The following MCM4 variants were observed in gnomAD, a reference collection of about 807,000 sequenced individuals.
The protein encoded by MCM4 is minichromosome maintenance complex component 4.
Under a neutral mutation model 88.7 loss-of-function variants are expected in MCM4, and 60 were observed. That is an observed-to-expected ratio of 0.68 (90% CI 0.55 to 0.84). MCM4 has a LOEUF of 0.84. MCM4 is among the 40% of genes least tolerant of loss of function. MCM4 has a pLI of 0.00. For missense variants in MCM4, 1,149 were observed against 1,105.5 expected, an observed-to-expected ratio of 1.04 and a Z score of -0.56; for synonymous variants, 465 against 410.5, an observed-to-expected ratio of 1.13 and a Z score of -1.61.
intron 14 of MCM4, chr8:47,974,496 C>A: frequency 2.1e-6 from 1 of 476,964 alleles, no homozygotes. Context: ...AGAATTCTTC[C>A]CAAGCATCTC....
chr8:47,969,740 G>T lies in MCM4; in HGVS notation c.1175-58G>T. 1.9e-6 allele frequency: 3 copies of T among 1,594,398 alleles called. No homozygotes were observed. In the South Asian group the frequency reaches 3.3e-5, roughly 18 times the overall value. On this transcript the variant is annotated intron_variant, in intron 10 of 16. Coordinates refer to ENST00000649973, the MANE Select transcript of MCM4 (RefSeq NM_182746.3). ...GCACCTGTTGCCTACGCTGGTTGCT[G>T]AGCCACTCGGAGGAAGATATGGGAA...
chr8:47,961,677 T>G lies in MCM4; in HGVS notation c.232T>G (p.Ser78Ala). The G allele has an allele frequency of 6.2e-7, 1 of 1,604,650 alleles. No individual in the cohort carries two copies. Among genetic ancestry groups the G allele is most frequent in the Non-Finnish European group, 8.5e-7 (1 of 1,173,960 alleles). ...TTCCAGCCCTCCCCAAATGCATTCT[T>G]CAGGTGCGTGTCTGAAGATCTTGGT... ...LFSSPPQMHS[S>A]AIPLDFDVSS... Residue 78 changes from serine (S) to alanine (A), a missense_variant, in exon 3 of 17, where the codon TCA becomes GCA. Physicochemically the swap from Ser to Ala is moderately conservative, Grantham distance 99 (BLOSUM62 1). Around this residue, in one of 3 missense-constraint regions of MCM4, gnomAD observed 906 missense variants for 843.0 expected, o/e 1.07. Coordinates refer to ENST00000649973, the MANE Select transcript of MCM4 (RefSeq NM_182746.3).
chr8:47,970,470 G>A (rs1215648282), intron 11 of MCM4, 41 bp from the exon 12 acceptor site: 4 of 1,554,756 alleles, frequency 2.6e-6, no homozygotes, highest in Non-Finnish European at 3.5e-6. Context: ...TCAGTTAACT[G>A]TGCAGAAAAT....
rs1192152598 is a variant in MCM4, at chr8:47,971,418, TA to T, written c.1885del (p.Thr629GlnfsTer18). On this transcript the variant is annotated frameshift_variant, in exon 13 of 17. Coordinates refer to ENST00000649973, the MANE Select transcript of MCM4 (RefSeq NM_182746.3). LOFTEE classifies it high-confidence loss of function. Reference protein sequence around the residue: ...ANPIESQWNPKKTTIENIQLP... With the variant: ...ANPIESQWNPXKTTIENIQLP... ...ATCCCATTGAGTCTCAGTGGAATCC[TA>T]AAAAAACAACCATTGAAAACATCCA... is the stretch of plus-strand genomic sequence containing the variant. The T allele has an allele frequency of 6.2e-7, 1 of 1,614,080 alleles. No individual in the cohort carries two copies. The highest frequency in any genetic ancestry group is 8.5e-7 in the Non-Finnish European group (1 of 1,179,970).
chr8:47,970,917 A>G (rs370130701), intron 12 of MCM4, 41 bp downstream of exon 12: 1 of 1,542,940 alleles, frequency 6.5e-7, no homozygotes. Context: ...CGTGTTTAAA[A>G]TATGTGGACC....
chr8:47,962,519 C>T (rs937130046), intron 5 of MCM4, 113 bp downstream of exon 5: 4 of 1,087,146 alleles, frequency 3.7e-6, no homozygotes, highest in Admixed American at 2.2e-5. Flanking sequence ...TGTGGTGGCT[C>T]ACACCTATAA....
chr8:47,969,987 A>G lies in MCM4; in HGVS notation c.1364A>G (p.Lys455Arg). Residue 455 changes from lysine to arginine, a missense_variant, in exon 11 of 17, where the codon AAA becomes AGA. Physicochemically the swap from Lys to Arg is conservative, Grantham distance 26. Coordinates refer to ENST00000649973, the MANE Select transcript of MCM4 (RefSeq NM_182746.3). ...GAATTGCTTAAGGAACTTTCCAGGAAACCAGACATTTATGAGAGGCTTGCT... is the reference window on the plus strand; with the variant it reads ...GAATTGCTTAAGGAACTTTCCAGGAGACCAGACATTTATGAGAGGCTTGCT... ...RVELLKELSR[K>R]PDIYERLASA... is the part of the protein sequence containing the mutation. 1.9e-6 allele frequency: 3 copies of G among 1,614,244 alleles called. No individual in the cohort carries two copies. The highest frequency in any genetic ancestry group is 2.5e-6 in the Non-Finnish European group (3 of 1,180,034).
chr8:47,975,681 C>T (rs1245665491), intron 15 of MCM4, 34 bp from the exon 16 acceptor site: 5 of 1,477,294 alleles, frequency 3.4e-6, no homozygotes, highest in Non-Finnish European at 4.5e-6. Context: ...TTCATAATAG[C>T]AAAAATGTTT....
chr8:47,967,439 T>A lies in MCM4; in HGVS notation c.1128T>A (p.Asn376Lys), dbSNP rs1241186849. 6.2e-7 allele frequency: 1 copy of A among 1,614,178 alleles called. No individual in the cohort carries two copies. The highest frequency in any genetic ancestry group is 2.2e-5 in the East Asian group (1 of 44,886). The change falls in exon 10 of 17, where the codon AAT (asparagine) becomes AAA (lysine). Residue 376 changes from asparagine (N) to lysine (K), a missense_variant. Around this residue, in one of 3 missense-constraint regions of MCM4, gnomAD observed 906 missense variants for 843.0 expected, o/e 1.07. Transcript: ENST00000649973. ...ACACAGTTATCCTGTTTGCTCACAA[T>A]GATCTCGTTGACAAGGTCCAGCCTG... Reference protein sequence around the residue: ...TPHTVILFAHNDLVDKVQPGD... With the variant: ...TPHTVILFAHKDLVDKVQPGD...
intron 10 of MCM4, among the ~76,000 whole-genome samples, chr8:47,968,099 T>C (rs1178355798): frequency 6.6e-6 from 1 of 152,176 alleles, no homozygotes; most frequent in Non-Finnish European, 1.5e-5. Flanking sequence ...CAGCACCATA[T>C]GAGTGTGGCA....
In MCM4 at chr8:47,960,952, G is replaced by T. The variant is rs921147935; in HGVS notation, c.-77G>T. On this transcript the variant is annotated 5_prime_UTR_variant, in exon 1 of 17. Coordinates refer to ENST00000649973, the MANE Select transcript of MCM4 (RefSeq NM_182746.3). ...GAACTCTGGGTCTCGCGGTTTGGGAGCGCTACTCGCCAGGTGGACTCGGAG... is the reference window on the plus strand; with the variant it reads ...GAACTCTGGGTCTCGCGGTTTGGGATCGCTACTCGCCAGGTGGACTCGGAG... The T allele has an allele frequency of 6.5e-5, 36 of 549,980 alleles. No homozygotes were observed. The highest frequency in any genetic ancestry group is 4.0e-4 in the African/African-American group (20 of 49,522). The allele number at this position is 549,980 out of a possible 1,614,324, so 34.1% of individuals were successfully genotyped here. A position where few individuals can be genotyped will look rare whatever the true frequency, so the allele number is the denominator to read the frequency against.
chr8:47,973,048 G>T lies in MCM4; in HGVS notation c.2120G>T (p.Ser707Ile), dbSNP rs753099559. 9 of 1,613,450 alleles carry T rather than the reference G, an allele frequency of 5.6e-6. No homozygotes were observed. The highest frequency in any genetic ancestry group is 4.4e-5 in the South Asian group (4 of 91,020). The change falls in exon 14 of 17, where the codon AGC (serine) becomes ATC (isoleucine). Residue 707 changes from serine (S) to isoleucine (I), a missense_variant. Coordinates refer to ENST00000649973, the MANE Select transcript of MCM4 (RefSeq NM_182746.3). ...ATGCCGCGGCTAAGTGAGGAAGCCA[G>T]CCAGGCTCTCATCGAGGTAACCCTG... ...TIMPRLSEEA[S>I]QALIEAYVDM...
chr8:47,968,663 G>C (rs1288379656), intron 10 of MCM4, among the ~76,000 whole-genome samples: 10 of 152,198 alleles, frequency 6.6e-5, no homozygotes, highest in Admixed American at 6.5e-4. Flanking sequence ...TGTATTCTAA[G>C]AATGTGTGTA....
intron 15 of MCM4, 130 bp from the exon 16 acceptor site, chr8:47,975,585 C>A: frequency 1.8e-6 from 1 of 563,678 alleles, no homozygotes; most frequent in Non-Finnish European, 2.8e-6. Context: ...AAAACTCATT[C>A]CCTTCAAATG....
intron 11 of MCM4, 50 bp from the exon 12 acceptor site, chr8:47,970,461 C>T (rs767631082): frequency 2.6e-6 from 4 of 1,541,620 alleles, no homozygotes; most frequent in South Asian, 1.3e-5. Flanking sequence ...AACTACATCT[C>T]AGTTAACTGT....
intron 3 of MCM4, 178 bp downstream of exon 3, chr8:47,961,858 C>A: frequency 2.1e-6 from 2 of 953,762 alleles, no homozygotes; most frequent in Non-Finnish European, 1.5e-6. Context: ...AGTTTTAGGG[C>A]TTAGTGAGCA....
chr8:47,970,088 A>T (rs1452558698), intron 11 of MCM4, 31 bp downstream of exon 11: 1 of 1,606,138 alleles, frequency 6.2e-7, no homozygotes, highest in Admixed American at 1.7e-5. Flanking sequence ...AGGGGTTGGG[A>T]TTTACAATTC....
chr8:47,972,803 T>C (rs1046636098), intron 13 of MCM4, 54 bp from the exon 14 acceptor site: 1 of 1,458,644 alleles, frequency 6.9e-7, no homozygotes, highest in African/African-American at 1.4e-5. Context: ...GTGATCCACC[T>C]GCCTCGGCCT....
At position 47,969,598 on chromosome 8, in the gene MCM4, A is replaced by G. The variant is rs776630837; in HGVS notation, c.1175-200A>G. On this transcript the variant is annotated intron_variant, in intron 10 of 16. Coordinates refer to ENST00000649973, the MANE Select transcript of MCM4 (RefSeq NM_182746.3). ...CCTGCTGCTATTTCCCTGCTTGCTC[A>G]TAGCAAGCGGGAGCTTTGCAATGTG... 7 of 587,306 alleles carry G rather than the reference A, an allele frequency of 1.2e-5. No homozygotes were observed. In the Admixed American group the frequency reaches 2.1e-4, roughly 18 times the overall value. The allele number at this position is 587,306 out of a possible 1,614,324, so 36.4% of individuals were successfully genotyped here.
Sources: gnomAD v4.1 joint callset for allele counts (sites outside exome capture counted in the v4.1 genomes callset) on GRCh38, gnomAD v4.1.1 for gene constraint, gnomAD v4.1.1 regional missense constraint, MANE v1.5 for transcripts, NCBI Gene and HGNC (gene_info 2026-07-23, HGNC 2026-07-21) for gene names.